Variants in MEGF6 observed in about 807,000 individuals in gnomAD.
MEGF6 encodes the protein multiple EGF like domains 6, also known as multiple epidermal growth factor-like domains protein 6.
A neutral mutation model predicts 207.1 loss-of-function variants in MEGF6; 184 were observed. That is an observed-to-expected ratio of 0.89 (90% CI 0.79 to 1.00). The LOEUF is 1.00. MEGF6 is among the 50% of genes least tolerant of loss of function. MEGF6 has a pLI of 0.00. For missense variants in MEGF6, 2,282 were observed against 2,202.9 expected, an observed-to-expected ratio of 1.04 and a Z score of -0.72; for synonymous variants, 1,038 against 910.0, an observed-to-expected ratio of 1.14 and a Z score of -2.53.
At chr1:3,598,291 C>G (rs1011986421) in intron 2 of MEGF6, among the ~76,000 whole-genome samples, 1 of 152,214 alleles carries the variant, frequency 6.6e-6, no homozygotes, top group Admixed American at 6.5e-5. Flanking sequence ...CCTGATCCAA[C>G]AAACAAGCGG....
chr1:3,544,205 G>A (rs188338386), intron 4 of MEGF6, among the ~76,000 whole-genome samples: 12 of 149,270 alleles, frequency 8.0e-5, no homozygotes, highest in African/African-American at 1.5e-4. Context: ...TCCCCCCAGC[G>A]TCGCAGCGGC....
At chr1:3,604,133 A>T (rs1166112463) in intron 1 of MEGF6, among the ~76,000 whole-genome samples, 1 of 152,218 alleles carries the variant, frequency 6.6e-6, no homozygotes, top group Non-Finnish European at 1.5e-5. Context: ...CTGGGACCAG[A>T]GTCCAGCTCC....
intron 4 of MEGF6, among the ~76,000 whole-genome samples, chr1:3,549,481 C>T (rs553672266): frequency 4.3e-4 from 66 of 152,218 alleles, no homozygotes; most frequent in Non-Finnish European, 7.3e-4. Context: ...GTTCAGGGCT[C>T]CAGTCTAGGC....
At position 3,506,315 on chromosome 1, in the gene MEGF6, C is replaced by T. The variant is rs985739195; in HGVS notation, c.1790-79G>A. The stretch of plus-strand genomic sequence containing the variant: ...TGGTCCCCCCATGTGGTAGGATGCG[C>T]GGGGGCCCAGGGCCCAGCACAGGAG... On this transcript the variant is annotated intron_variant, in intron 14 of 36. Coordinates refer to ENST00000356575, the MANE Select transcript of MEGF6 (RefSeq NM_001409.4). The T allele has an allele frequency of 5.1e-5, 77 of 1,520,444 alleles. No individual in the cohort carries two copies. In the Admixed American group the frequency reaches 7.5e-4, roughly 15 times the overall value. 94.2% of individuals were successfully genotyped at this position (1,520,444 alleles called of 1,614,324 possible).
In MEGF6 at chr1:3,496,701, C is replaced by T. The variant is rs767107850; in HGVS notation, c.3696G>A (p.Gly1232=). ...LNGGSCDAAT[G]ACRCPTGFLG... The stretch of plus-strand genomic sequence containing the variant: ...GGAACCCAGTGGGGCAGCGGCAGGC[C>T]CCCGTGGCCGCATCACAGGAGCCCC... Residue 1232 remains glycine (G), a synonymous_variant, in exon 29 of 37, where the codon GGG becomes GGA. Coordinates refer to ENST00000356575, the MANE Select transcript of MEGF6 (RefSeq NM_001409.4). 1 of 1,561,592 alleles carries T rather than the reference C, an allele frequency of 6.4e-7. No individual in the cohort carries two copies. Among genetic ancestry groups the T allele is most frequent in the Non-Finnish European group, 8.7e-7 (1 of 1,153,550 alleles).
In MEGF6 at chr1:3,501,243, G is replaced by C. The variant is rs374430481; in HGVS notation, c.2380C>G (p.Arg794Gly). 1 of 1,610,674 alleles carries C rather than the reference G, an allele frequency of 6.2e-7. No homozygotes were observed. The change falls in exon 19 of 37, where the codon CGC becomes GGC. Residue 794 changes from arginine (R) to glycine (G), a missense_variant. Coordinates refer to ENST00000356575, the MANE Select transcript of MEGF6 (RefSeq NM_001409.4). ...CAGGCTCCGGTCTCAGGGTCGCAGC[G>C]GGCAGCGTGCTGGCATGCTGGGCAG... The part of the protein sequence containing the change: ...EICPACQHAA[R>G]CDPETGACLC...
At chr1:3,561,621 G>C (rs957975353) in intron 4 of MEGF6, among the ~76,000 whole-genome samples, 1 of 152,182 alleles carries the variant, frequency 6.6e-6, no homozygotes, top group African/African-American at 2.4e-5. Context: ...TGGATTCAAA[G>C]TCAGGTGCGG....
chr1:3,589,104 AG>A (rs1643937857), intron 3 of MEGF6, among the ~76,000 whole-genome samples: 1 of 152,148 alleles, frequency 6.6e-6, no homozygotes, highest in South Asian at 2.1e-4. Flanking sequence ...CCTATAGAAA[AG>A]GCCCCAGAGA....
At chr1:3,620,899 C>T in the MEGF6 span, among the ~76,000 whole-genome samples, 1 of 152,228 alleles carries the variant, frequency 6.6e-6, no homozygotes, top group African/African-American at 2.4e-5. Context: ...TCACGTGGTT[C>T]ACATGTCCAC....
At chr1:3,595,625 GAGGGGGCAGCATGGAGGCAGC>G (rs1644051441) in intron 2 of MEGF6, among the ~76,000 whole-genome samples, 178 bp from the exon 3 acceptor site, 1 of 152,196 alleles carries the variant, frequency 6.6e-6, no homozygotes, top group Non-Finnish European at 1.5e-5. Context: ...TCTTCTGAAC[GAGGGGGCAGCATGGAGGCAGC>G]AGGGGCCATG....
At chr1:3,552,148 A>G (rs1642907837) in intron 4 of MEGF6, among the ~76,000 whole-genome samples, 1 of 152,160 alleles carries the variant, frequency 6.6e-6, no homozygotes, top group Non-Finnish European at 1.5e-5. Context: ...TTGCCACTCC[A>G]CTGACGAGCA....
chr1:3,500,968 C>G lies in MEGF6; in HGVS notation c.2573G>C (p.Arg858Thr), dbSNP rs1640835087. 2 of 1,611,542 alleles carry G rather than the reference C, an allele frequency of 1.2e-6. No homozygotes were observed. Among genetic ancestry groups the G allele is most frequent in the Non-Finnish European group, 1.7e-6 (2 of 1,179,962 alleles). ...APGWTGFSCQ[R>T]ACDTGHWGPD... ...GGGCAAGCCAAGGGCCCCCGTACCT[C>G]TCTGGCAGCTAAAGCCGGTCCACCC... Residue 858 changes from arginine to threonine, a missense_variant and splice_region_variant, in exon 20 of 37, where the codon AGA becomes ACA. Arg to Thr is a moderately conservative substitution (Grantham distance 71). Coordinates refer to ENST00000356575, the MANE Select transcript of MEGF6 (RefSeq NM_001409.4).
At chr1:3,491,886 A>C (rs965034971) in intron 35 of MEGF6, among the ~76,000 whole-genome samples, 4 of 151,650 alleles carry the variant, frequency 2.6e-5, no homozygotes, top group African/African-American at 9.7e-5. Context: ...AGGGTCCTGA[A>C]GGTGGTGCTA....
Position 3,583,240 on chromosome 1 carries a change from C to T in MEGF6, c.377-3311G>A, listed in dbSNP as rs556760056. On this transcript the variant is annotated intron_variant, in intron 3 of 36. Transcript: ENST00000356575. ...AGACACCCCCATGCCGTCAGCATCC[C>T]CTCCGCACTGCAGCATGTGCTGACA... Among the ~76,000 whole-genome samples the T allele has an allele frequency of 9.2e-5, 14 of 152,274 alleles. No individual in the cohort carries two copies. The South Asian group carries it at 2.9e-3, about 32-fold the overall frequency.
At chr1:3,568,176 G>C (rs1484574402) in intron 4 of MEGF6, among the ~76,000 whole-genome samples, 5 of 152,180 alleles carry the variant, frequency 3.3e-5, no homozygotes, top group African/African-American at 1.2e-4. Flanking sequence ...CAGGGCCTCT[G>C]GGGTGCAGAG....
chr1:3,488,371 C>T lies in MEGF6; in HGVS notation c.*2157G>A, dbSNP rs780322851. 9.2e-5 allele frequency among the ~76,000 whole-genome samples: 14 copies of T among 152,194 alleles called. No individual in the cohort carries two copies. Among genetic ancestry groups the T allele is most frequent in the South Asian group, 4.1e-4 (2 of 4,826 alleles). On this transcript the variant is annotated 3_prime_UTR_variant, in exon 37 of 37. Transcript: ENST00000356575. ...AGTGATTGGTACCTGCCAGGCCCCCCGTCCACACCCTCACACCATGCTGAG... is the reference window on the plus strand; with the variant it reads ...AGTGATTGGTACCTGCCAGGCCCCCTGTCCACACCCTCACACCATGCTGAG...
chr1:3,535,700 G>A (rs889867785), intron 4 of MEGF6, among the ~76,000 whole-genome samples: 31 of 151,558 alleles, frequency 2.0e-4, no homozygotes, highest in African/African-American at 2.9e-4. Context: ...TTCTGCCCAC[G>A]GCTCCTGGGA....
intron 4 of MEGF6, among the ~76,000 whole-genome samples, chr1:3,525,097 C>G (rs1204785194): frequency 6.6e-6 from 1 of 152,228 alleles, no homozygotes; most frequent in African/African-American, 2.4e-5. Flanking sequence ...GAAACCAATG[C>G]AGCTGGGGTC....
chr1:3,522,314 G>A (rs1259324297), intron 5 of MEGF6, among the ~76,000 whole-genome samples: 1 of 152,130 alleles, frequency 6.6e-6, no homozygotes, highest in African/African-American at 2.4e-5. Flanking sequence ...ACCAGCCCTG[G>A]AGAAGGCTGT....
Sources: gnomAD v4.1 joint callset for allele counts (sites outside exome capture counted in the v4.1 genomes callset) on GRCh38, gnomAD v4.1.1 for gene constraint, MANE v1.5 for transcripts, NCBI Gene and HGNC (gene_info 2026-07-23, HGNC 2026-07-21) for gene names.